The following NAGLU variants were observed in gnomAD, a reference collection of about 807,000 sequenced individuals.
The protein encoded by NAGLU is alpha-N-acetylglucosaminidase.
A neutral mutation model predicts 43.4 loss-of-function variants in NAGLU; 34 were observed. The ratio of observed to expected loss-of-function variants is 0.78; its 90% CI spans 0.60 to 1.04. The LOEUF (loss-of-function observed/expected upper bound fraction) is 1.04, where lower values mean the gene tolerates loss of function less well. Among genes scored for constraint, NAGLU ranks in the 50% least tolerant of loss-of-function variants. NAGLU has a pLI of 0.00. For missense variants in NAGLU, 910 were observed against 993.7 expected, an observed-to-expected ratio of 0.92 and a Z score of 1.13; for synonymous variants, 425 against 437.6, an observed-to-expected ratio of 0.97 and a Z score of 0.36.
Position 42,544,344 on chromosome 17 carries a change from CACGG to C in NAGLU, c.*107_*110del. On this transcript the variant is annotated 3_prime_UTR_variant, in exon 6 of 6. Coordinates refer to ENST00000225927, the MANE Select transcript of NAGLU (RefSeq NM_000263.4). ...ATAACCCAGGCCTGGGAGGAGGCCC[CACGG>C]CCTGCTGGTGGGGTCTGACCTGGGG... 6.5e-7 allele frequency: 1 copy of C among 1,539,204 alleles called. No individual in the cohort carries two copies. The highest frequency in any genetic ancestry group is 1.1e-5 in the South Asian group (1 of 87,542).
Position 42,543,740 on chromosome 17 carries a change from G to C in NAGLU, c.1734G>C (p.Glu578Asp). 1 of 1,611,484 alleles carries C rather than the reference G, an allele frequency of 6.2e-7. No homozygotes were observed. Among genetic ancestry groups the C allele is most frequent in the East Asian group, 2.2e-5 (1 of 44,888 alleles). ...VQELVSLYYEEARSAYLSKEL... is the reference protein window; with the variant it reads ...VQELVSLYYEDARSAYLSKEL... ...AGCTGGTCAGCTTGTACTATGAGGA[G>C]GCAAGAAGCGCCTACCTGAGCAAGG... The change falls in exon 6 of 6, where the codon GAG becomes GAC. Residue 578 changes from glutamate to aspartate, a missense_variant. By Grantham distance (45) the Glu-to-Asp change is conservative. Transcript: ENST00000225927.
rs146056428 is a variant in NAGLU at position 42,542,489 on chromosome 17, C to T, written c.1022-539C>T. On this transcript the variant is annotated intron_variant, in intron 5 of 5. Coordinates refer to ENST00000225927, the MANE Select transcript of NAGLU (RefSeq NM_000263.4). ...CTGGTATTACAGGCGTGATCCACTG[C>T]GACTGGCCTTGATTTTGTTTTTGAG... 3.8e-3 allele frequency among the ~76,000 whole-genome samples: 573 copies of T among 152,076 alleles called. 6 individuals carry two copies. Among genetic ancestry groups the T allele is most frequent in the African/African-American group, 0.013 (554 of 41,502 alleles).
chr17:42,542,961 G>A (rs1198861016), intron 5 of NAGLU, 67 bp from the exon 6 acceptor site: 16 of 1,594,020 alleles, frequency 1.0e-5, no homozygotes, highest in Middle Eastern at 4.5e-4. Context: ...GTAGAGTGGG[G>A]TGAACATTCC....
chr17:42,542,371 G>A (rs1567892804), intron 5 of NAGLU, among the ~76,000 whole-genome samples: 1 of 151,956 alleles, frequency 6.6e-6, no homozygotes, highest in Non-Finnish European at 1.5e-5. Context: ...GCCAATTTTT[G>A]TATTTTTAGT....
At position 42,544,125 on chromosome 17, in the gene NAGLU, G is replaced by A. The variant is rs2092930647; in HGVS notation, c.2119G>A (p.Ala707Thr). 1 of 1,613,958 alleles carries A rather than the reference G, an allele frequency of 6.2e-7. No individual in the cohort carries two copies. Among genetic ancestry groups the A allele is most frequent in the African/African-American group, 1.3e-5 (1 of 74,896 alleles). The change falls in exon 6 of 6, where the codon GCC (alanine) becomes ACC (threonine). Residue 707 changes from alanine (A) to threonine (T), a missense_variant. By Grantham distance (58) the Ala-to-Thr change is moderately conservative. Coordinates refer to ENST00000225927, the MANE Select transcript of NAGLU (RefSeq NM_000263.4). ...CAAAAATGTCTTCCAACTGGAGCAG[G>A]CCTTCGTTCTCAGCAAGCAGAGGTA... ...FDKNVFQLEQ[A>T]FVLSKQRYPS...
In NAGLU at chr17:42,543,436, G is replaced by C. The variant is rs369970264; in HGVS notation, c.1430G>C (p.Ser477Thr). Reference sequence around the variant, plus strand: ...CCAGATTTGGCAGCCTGGGTGACCAGCTTTGCCGCCCGGCGGTATGGGGTC... The same window carrying C: ...CCAGATTTGGCAGCCTGGGTGACCACCTTTGCCGCCCGGCGGTATGGGGTC... Reference protein sequence around the residue: ...PVPDLAAWVTSFAARRYGVSH... With the variant: ...PVPDLAAWVTTFAARRYGVSH... Residue 477 changes from serine (S) to threonine (T), a missense_variant, in exon 6 of 6, where the codon AGC becomes ACC. Ser to Thr is a moderately conservative substitution (Grantham distance 58). Coordinates refer to ENST00000225927, the MANE Select transcript of NAGLU (RefSeq NM_000263.4). The C allele has an allele frequency of 1.7e-4, 268 of 1,599,536 alleles. No individual in the cohort carries two copies. The highest frequency in any genetic ancestry group is 2.2e-4 in the Non-Finnish European group (259 of 1,174,394).
In NAGLU at chr17:42,543,504, A is replaced by G; in HGVS notation, c.1498A>G (p.Ser500Gly). 6.2e-7 allele frequency: 1 copy of G among 1,604,456 alleles called. No homozygotes were observed. Among genetic ancestry groups the G allele is most frequent in the Non-Finnish European group, 8.5e-7 (1 of 1,177,512 alleles). Reference protein sequence around the residue: ...AGAAWRLLLRSVYNCSGEACR... With the variant: ...AGAAWRLLLRGVYNCSGEACR... Reference sequence around the variant, plus strand: ...GGCAGCGTGGAGGCTACTGCTCCGGAGTGTGTACAACTGCTCCGGGGAGGC... The same window carrying G: ...GGCAGCGTGGAGGCTACTGCTCCGGGGTGTGTACAACTGCTCCGGGGAGGC... The change falls in exon 6 of 6, where the codon AGT becomes GGT. Residue 500 changes from serine to glycine, a missense_variant. Coordinates refer to ENST00000225927, the MANE Select transcript of NAGLU (RefSeq NM_000263.4).
At chr17:42,542,909 TG>T in intron 5 of NAGLU, 118 bp from the exon 6 acceptor site, 2 of 1,458,820 alleles carry the variant, frequency 1.4e-6, no homozygotes, top group South Asian at 1.1e-5. Context: ...GTCCCGCTGG[TG>T]GGGGTCATGG....
At chr17:42,539,703 G>A (rs1226076912) in intron 4 of NAGLU, among the ~76,000 whole-genome samples, 2 of 152,244 alleles carry the variant, frequency 1.3e-5, no homozygotes, top group African/African-American at 2.4e-5. Flanking sequence ...TGATAGGAGA[G>A]ATATGTTGGC....
rs543469840 is a variant in NAGLU, at chr17:42,536,322, G to T, written c.50G>T (p.Gly17Val). Residue 17 changes from glycine to valine, a missense_variant, in exon 1 of 6, where the codon GGG becomes GTG. Gly to Val is a moderately radical substitution (Grantham distance 109). Coordinates refer to ENST00000225927, the MANE Select transcript of NAGLU (RefSeq NM_000263.4). ...GCGGTGGGGGTCCTTCTCCTGGCCGGGGCCGGGGGCGCGGCAGGCGACGAG... is the reference window on the plus strand; with the variant it reads ...GCGGTGGGGGTCCTTCTCCTGGCCGTGGCCGGGGGCGCGGCAGGCGACGAG... ...AAAVGVLLLA[G>V]AGGAAGDEAR... The T allele has an allele frequency of 6.6e-6, 8 of 1,217,602 alleles. No individual in the cohort carries two copies. The East Asian group carries it at 1.6e-4, about 25-fold the overall frequency. 75.4% of individuals were successfully genotyped at this position (1,217,602 alleles called of 1,614,324 possible).
intron 5 of NAGLU, among the ~76,000 whole-genome samples, chr17:42,541,968 T>C (rs2092922704): frequency 6.6e-6 from 1 of 152,072 alleles, no homozygotes; most frequent in South Asian, 2.1e-4. Flanking sequence ...TGGCACAATC[T>C]CATCTCACTG....
intron 3 of NAGLU, 84 bp from the exon 4 acceptor site, chr17:42,538,586 G>T (rs2092913449): frequency 6.2e-7 from 1 of 1,612,542 alleles, no homozygotes; most frequent in Non-Finnish European, 8.5e-7. Flanking sequence ...ACTGAGGCGG[G>T]GGGCTGCGTG....
chr17:42,538,704 T>C lies in NAGLU; in HGVS notation c.713T>C (p.Met238Thr). 6.2e-7 allele frequency: 1 copy of C among 1,614,056 alleles called. No homozygotes were observed. The highest frequency in any genetic ancestry group is 2.2e-5 in the East Asian group (1 of 44,888). ...RVLDQMRSFG[M>T]TPVLPAFAGH... ...CTGGACCAGATGCGCTCCTTCGGCA[T>C]GACCCCAGTGCTGCCTGCATTCGCG... Residue 238 changes from methionine to threonine, a missense_variant, in exon 4 of 6, where the codon ATG becomes ACG. Met to Thr is a moderately conservative substitution (Grantham distance 81). Transcript: ENST00000225927.
intron 4 of NAGLU, among the ~76,000 whole-genome samples, chr17:42,540,548 T>G (rs1489261967): frequency 1.3e-5 from 2 of 151,468 alleles, no homozygotes; most frequent in African/African-American, 2.4e-5. Context: ...TACAAAAAAT[T>G]AGCCGGGTGT....
intron 5 of NAGLU, 75 bp downstream of exon 5, chr17:42,541,281 A>G (rs1013866029): frequency 3.8e-6 from 6 of 1,586,234 alleles, no homozygotes; most frequent in Non-Finnish European, 5.1e-6. Context: ...CAGTAGGGGT[A>G]GGCAGAGGGA....
intron 5 of NAGLU, among the ~76,000 whole-genome samples, chr17:42,541,975 A>G (rs750304701): frequency 2.0e-5 from 3 of 151,458 alleles, no homozygotes; most frequent in Non-Finnish European, 2.9e-5. Flanking sequence ...ATCTCATCTC[A>G]CTGCAACCTT....
At chr17:42,542,089 G>A (rs576165983) in intron 5 of NAGLU, among the ~76,000 whole-genome samples, 3 of 151,642 alleles carry the variant, frequency 2.0e-5, no homozygotes, top group African/African-American at 7.3e-5. Flanking sequence ...TTGAGATAGA[G>A]TCTCGCTCTG....
At chr17:42,537,729 G>A (rs1375623868) in intron 2 of NAGLU, among the ~76,000 whole-genome samples, 184 bp downstream of exon 2, 2 of 152,168 alleles carry the variant, frequency 1.3e-5, no homozygotes, top group African/African-American at 4.8e-5. Flanking sequence ...TGTCATCCCA[G>A]CACTTCGGGA....
rs1599260897 is a variant in NAGLU at position 42,543,377 on chromosome 17, C to T, written c.1371C>T (p.Leu457=). The T allele has an allele frequency of 1.2e-6, 2 of 1,611,186 alleles. No homozygotes were observed. ...GISQNEVVYS[L]MAELGWRKDP... ...GCCAGAACGAAGTGGTCTATTCCCT[C>T]ATGGCTGAGCTGGGCTGGCGAAAGG... Residue 457 remains leucine, a synonymous_variant, in exon 6 of 6, where the codon CTC becomes CTT. Transcript: ENST00000225927.
Sources: allele counts gnomAD v4.1 joint callset (sites outside exome capture counted in the v4.1 genomes callset), GRCh38; gene constraint gnomAD v4.1.1; transcripts MANE v1.5; gene names NCBI Gene and HGNC (gene_info 2026-07-23, HGNC 2026-07-21).